Variants in GATAD2B observed in about 807,000 individuals in gnomAD.
GATAD2B encodes the protein transcriptional repressor p66-beta.
GATAD2B carries 8 observed loss-of-function variants against 64.3 expected under a neutral mutation model. The ratio of observed to expected loss-of-function variants is 0.12; its 90% CI spans 0.07 to 0.22. GATAD2B has a LOEUF of 0.22. Among genes scored for constraint, GATAD2B ranks in the 10% least tolerant of loss-of-function variants. The pLI is 1.00. For missense variants in GATAD2B, 453 were observed against 752.0 expected, an observed-to-expected ratio of 0.60 and a Z score of 4.65; for synonymous variants, 281 against 271.3, an observed-to-expected ratio of 1.04 and a Z score of -0.35.
intron 1 of GATAD2B, among the ~76,000 whole-genome samples, chr1:153,895,404 T>C (rs756272501): frequency 1.3e-5 from 2 of 151,048 alleles, no homozygotes; most frequent in Non-Finnish European, 2.9e-5. Flanking sequence ...TTAATGCTGA[T>C]GACAGTCAGG....
intron 1 of GATAD2B, among the ~76,000 whole-genome samples, chr1:153,917,129 C>T (rs1438304230): frequency 6.7e-6 from 1 of 149,912 alleles, no homozygotes; most frequent in African/African-American, 2.5e-5. Context: ...AACTGAGTCA[C>T]ACGCTGTCAC....
intron 2 of GATAD2B, among the ~76,000 whole-genome samples, chr1:153,824,612 TAAAAAAAAA>T (rs771879855): frequency 3.1e-5 from 3 of 96,698 alleles, no homozygotes; most frequent in East Asian, 2.9e-4. Context: ...ACTCTGCCTT[TAAAAAAAAA>T]AAAAAAAAAA....
In GATAD2B at chr1:153,828,206, A is replaced by G. The variant is rs773784360; in HGVS notation, c.142T>C (p.Leu48=). Reference sequence around the variant, plus strand: ...TTTGCCAAATCCTTCCTTTTGAGCAATGCCAACATTTTCAGACGTTCCATG... The same window carrying G: ...TTTGCCAAATCCTTCCTTTTGAGCAGTGCCAACATTTTCAGACGTTCCATG... ...EAMERLKMLA[L]LKRKDLANLE... Residue 48 remains leucine, a synonymous_variant, in exon 2 of 11, where the codon TTG becomes CTG. Transcript: ENST00000368655. 3.7e-6 allele frequency: 6 copies of G among 1,614,192 alleles called. No individual in the cohort carries two copies. In the East Asian group the frequency reaches 1.3e-4, roughly 36 times the overall value.
In GATAD2B at chr1:153,853,218, GCA is replaced by G. The variant is rs1381378349; in HGVS notation, c.-1-24872_-1-24871del. On this transcript the variant is annotated intron_variant, in intron 1 of 10. Transcript: ENST00000368655. ...CTCTAGCTTCTGGATGATGGGCAGA[GCA>G]CACTGGTCATGGCCACCGAGGTGAT... 3.5e-6 allele frequency: 4 copies of G among 1,137,620 alleles called. No homozygotes were observed. In the African/African-American group the frequency reaches 6.1e-5, roughly 17 times the overall value. The allele number at this position is 1,137,620 out of a possible 1,614,324, so 70.5% of individuals were successfully genotyped here. A position where few individuals can be genotyped will look rare whatever the true frequency, so the allele number is the denominator to read the frequency against.
chr1:153,815,966 T>C (rs9427231), intron 7 of GATAD2B, among the ~76,000 whole-genome samples: 103,615 of 151,888 alleles, frequency 0.68, 37,899 homozygotes, highest in Non-Finnish European at 0.83. Context: ...GGCAGGAGAA[T>C]TGCTTGAACT....
intron 1 of GATAD2B, among the ~76,000 whole-genome samples, chr1:153,876,027 G>T (rs1362860160): frequency 1.3e-5 from 2 of 151,756 alleles, no homozygotes; most frequent in Non-Finnish European, 2.9e-5. Context: ...AGGAGTTCCA[G>T]ATCAGCGTGG....
chr1:153,863,009 G>A (rs1032291343), intron 1 of GATAD2B, among the ~76,000 whole-genome samples: 1 of 146,774 alleles, frequency 6.8e-6, no homozygotes, highest in Admixed American at 6.7e-5. Flanking sequence ...TAGGCATGAG[G>A]CACTGCGCCT....
At chr1:153,902,364 T>C (rs972188337) in intron 1 of GATAD2B, among the ~76,000 whole-genome samples, 1 of 152,232 alleles carries the variant, frequency 6.6e-6, no homozygotes, top group Non-Finnish European at 1.5e-5. Flanking sequence ...TAAAAAGTGC[T>C]GAATGAGGGT....
rs536438962 is a variant in GATAD2B at position 153,902,238 on chromosome 1, G to A, written c.-2+20495C>T. On this transcript the variant is annotated intron_variant, in intron 1 of 10. Coordinates refer to ENST00000368655, the MANE Select transcript of GATAD2B (RefSeq NM_020699.4). ...GGAGGTTGCGGTGAGCCAAGATTGC[G>A]CCACTGCGCTCCAGCCTGGGCAACA... Among the ~76,000 whole-genome samples the A allele has an allele frequency of 1.5e-3, 224 of 151,978 alleles. 1 individual carries two copies. The highest frequency in any genetic ancestry group is 5.0e-3 in the African/African-American group (209 of 41,446).
intron 6 of GATAD2B, among the ~76,000 whole-genome samples, 162 bp downstream of exon 6, chr1:153,817,210 C>A (rs186741435): frequency 2.2e-3 from 329 of 152,324 alleles, no homozygotes; most frequent in Non-Finnish European, 3.1e-3. Context: ...TTCCTCAAAG[C>A]TTCTACTTTT....
intron 1 of GATAD2B, among the ~76,000 whole-genome samples, chr1:153,891,184 AG>A (rs1279842776): frequency 6.6e-6 from 1 of 150,676 alleles, no homozygotes; most frequent in Non-Finnish European, 1.5e-5. Context: ...TCCGCCTCAA[AG>A]AAACACACAA....
At chr1:153,913,216 C>CCA (rs1274163523) in intron 1 of GATAD2B, among the ~76,000 whole-genome samples, 27 of 152,204 alleles carry the variant, frequency 1.8e-4, no homozygotes, top group Admixed American at 4.6e-4. Context: ...GTGTGAGCCA[C>CCA]CACACCCAGC....
At chr1:153,861,115 C>T (rs7552274) in intron 1 of GATAD2B, among the ~76,000 whole-genome samples, 45,079 of 151,940 alleles carry the variant, frequency 0.3, 6,873 homozygotes, top group Admixed American at 0.39. Context: ...GAGAGTAAGT[C>T]GGAAGAAAGG....
chr1:153,882,350 T>C (rs1677033979), intron 1 of GATAD2B, among the ~76,000 whole-genome samples: 1 of 152,150 alleles, frequency 6.6e-6, no homozygotes, highest in African/African-American at 2.4e-5. Context: ...CAAACTTCTT[T>C]TCTTTATCCC....
At chr1:153,893,008 T>C (rs781163274) in intron 1 of GATAD2B, among the ~76,000 whole-genome samples, 2 of 152,050 alleles carry the variant, frequency 1.3e-5, no homozygotes, top group Non-Finnish European at 2.9e-5. Flanking sequence ...ATCTTCTTTA[T>C]TGAAATGAGG....
intron 1 of GATAD2B, among the ~76,000 whole-genome samples, chr1:153,881,754 A>G (rs1409318581): frequency 6.6e-6 from 1 of 151,898 alleles, no homozygotes; most frequent in Non-Finnish European, 1.5e-5. Flanking sequence ...AAAAGGAGGA[A>G]AATAATGAGA....
chr1:153,824,812 G>A (rs1391433247), intron 2 of GATAD2B, among the ~76,000 whole-genome samples: 2 of 151,926 alleles, frequency 1.3e-5, no homozygotes, highest in Non-Finnish European at 2.9e-5. Context: ...GGCCCGGCAT[G>A]GTGGCTCATG....
At chr1:153,882,464 C>G (rs150599169) in intron 1 of GATAD2B, among the ~76,000 whole-genome samples, 4 of 152,094 alleles carry the variant, frequency 2.6e-5, no homozygotes, top group African/African-American at 9.7e-5. Flanking sequence ...TGATTTAACC[C>G]GATCCATTGA....
intron 1 of GATAD2B, among the ~76,000 whole-genome samples, chr1:153,867,869 CA>C (rs1395046861): frequency 1.3e-5 from 2 of 149,486 alleles, no homozygotes; most frequent in East Asian, 4.0e-4. Flanking sequence ...CAAAAAACAA[CA>C]AAAAAAAGAG....
Sources: allele counts gnomAD v4.1 joint callset (sites outside exome capture counted in the v4.1 genomes callset), GRCh38; gene constraint gnomAD v4.1.1; transcripts MANE v1.5; gene names NCBI Gene and HGNC (gene_info 2026-07-23, HGNC 2026-07-21).